The following UBR1 variants were observed in gnomAD, a reference collection of about 807,000 sequenced individuals.
UBR1 encodes the protein ubiquitin protein ligase E3 component n-recognin 1.
In UBR1, 102 loss-of-function variants were observed where a neutral mutation model predicts 242.1. That is an observed-to-expected ratio of 0.42 (90% confidence interval 0.36 to 0.50). The LOEUF (loss-of-function observed/expected upper bound fraction) is 0.50. Ranked by LOEUF, UBR1 falls within the 20% of genes least tolerant of loss-of-function variation. The pLI is 0.01. For missense variants in UBR1, 1,772 were observed against 2,101.8 expected, an observed-to-expected ratio of 0.84 and a Z score of 3.07; for synonymous variants, 675 against 684.8, an observed-to-expected ratio of 0.99 and a Z score of 0.22.
chr15:43,079,116 G>A (rs2033943277), intron 3 of UBR1, among the ~76,000 whole-genome samples: 1 of 152,112 alleles, frequency 6.6e-6, no homozygotes, highest in African/African-American at 2.4e-5. Context: ...GCATAAGAAA[G>A]CCACTATAAC....
Position 43,023,598 on chromosome 15 carries a change from C to CAAA in UBR1, c.2740-800_2740-798dup, listed in dbSNP as rs35071600. On this transcript the variant is annotated intron_variant, in intron 25 of 46. Coordinates refer to ENST00000290650, the MANE Select transcript of UBR1 (RefSeq NM_174916.3). ...CTGGGTGACAAGTGAAACTCCATCT[C>CAAA]AAAAAAAAAAAAAAAAAAAAAAAAA... Among the ~76,000 whole-genome samples the CAAA allele has an allele frequency of 4.5e-4, 18 of 39,984 alleles. 1 individual carries two copies. The highest frequency in any genetic ancestry group is 1.7e-3 in the African/African-American group (14 of 8,006). 26.2% of individuals were successfully genotyped at this position (39,984 alleles called of 152,430 possible). A position where few individuals can be genotyped will look rare whatever the true frequency, so the allele number is the denominator to read the frequency against.
In UBR1 at chr15:42,960,685, CAG is replaced by C; in HGVS notation, c.4715_4716del (p.Pro1572ArgfsTer17). The stretch of plus-strand genomic sequence containing the variant: ...TTTTGCTTCAAACAGTTTAGTAAGG[CAG>C]GATCTGCACACCACCTGTATGTGGA... ...RPLLQRWCAD[P>X]ALLNCLKQKN... On this transcript the variant is annotated frameshift_variant, in exon 43 of 47. Coordinates refer to ENST00000290650, the MANE Select transcript of UBR1 (RefSeq NM_174916.3). LOFTEE classifies it high-confidence loss of function. 6.2e-7 allele frequency: 1 copy of C among 1,613,974 alleles called. No homozygotes were observed. The highest frequency in any genetic ancestry group is 8.5e-7 in the Non-Finnish European group (1 of 1,179,904).
At chr15:42,956,423 G>C (rs968636435) in intron 44 of UBR1, among the ~76,000 whole-genome samples, 1 of 152,188 alleles carries the variant, frequency 6.6e-6, no homozygotes, top group African/African-American at 2.4e-5. Flanking sequence ...GGGTTCAAGT[G>C]ATTCTCACGC....
At position 42,965,464 on chromosome 15, in the gene UBR1, C is replaced by CTT. The variant is rs72143292; in HGVS notation, c.4591+687_4591+688dup. On this transcript the variant is annotated intron_variant, in intron 41 of 46. Coordinates refer to ENST00000290650, the MANE Select transcript of UBR1 (RefSeq NM_174916.3). ...TCATTCTTTAATGTAGTCATATGTA[C>CTT]TTTTTTTTTTTTTTTTTGAGACAGA... Among the ~76,000 whole-genome samples the CTT allele has an allele frequency of 1.8e-4, 24 of 136,218 alleles. 1 individual carries two copies. The highest frequency in any genetic ancestry group is 7.2e-4 in the South Asian group (3 of 4,190). 89.4% of individuals were successfully genotyped at this position (136,218 alleles called of 152,430 possible).
chr15:42,976,594 T>A (rs78534008), intron 39 of UBR1, 123 bp downstream of exon 39: 1 of 723,298 alleles, frequency 1.4e-6, no homozygotes, highest in Non-Finnish European at 2.2e-6. Context: ...AAACAGATAA[T>A]CATTCAACAA....
intron 22 of UBR1, 109 bp from the exon 23 acceptor site, chr15:43,026,772 T>G: frequency 1.1e-6 from 1 of 906,052 alleles, no homozygotes; most frequent in Non-Finnish European, 1.7e-6. Flanking sequence ...AGAAAAAAAT[T>G]ATGTCTCATT....
chr15:43,000,296 G>A (rs1400665260), intron 32 of UBR1, among the ~76,000 whole-genome samples: 2 of 152,182 alleles, frequency 1.3e-5, no homozygotes, highest in Non-Finnish European at 2.9e-5. Context: ...AGAGTTCTAA[G>A]AGACCTTTAA....
At chr15:43,072,024 G>A (rs2033829844) in intron 4 of UBR1, among the ~76,000 whole-genome samples, 1 of 152,110 alleles carries the variant, frequency 6.6e-6, no homozygotes, top group Non-Finnish European at 1.5e-5. Flanking sequence ...TAGGACTATA[G>A]GCATGTGCTA....
chr15:43,101,551 C>T (rs1426278129), intron 1 of UBR1, among the ~76,000 whole-genome samples: 1 of 152,162 alleles, frequency 6.6e-6, no homozygotes, highest in African/African-American at 2.4e-5. Context: ...CAACCAAGGC[C>T]AGGTGCGATG....
chr15:43,067,265 C>T (rs892310873), intron 6 of UBR1, among the ~76,000 whole-genome samples: 7 of 151,640 alleles, frequency 4.6e-5, no homozygotes, highest in African/African-American at 1.5e-4. Context: ...TAATAATTTG[C>T]GATCACATAA....
intron 12 of UBR1, 137 bp from the exon 13 acceptor site, chr15:43,048,628 A>G (rs1449172060): frequency 8.7e-6 from 6 of 690,988 alleles, no homozygotes; most frequent in Non-Finnish European, 1.5e-5. Context: ...CTCTGAGTAG[A>G]GCTAGAATTA....
intron 14 of UBR1, among the ~76,000 whole-genome samples, chr15:43,046,441 A>C (rs1221652444): frequency 6.6e-6 from 1 of 152,216 alleles, no homozygotes; most frequent in Non-Finnish European, 1.5e-5. Context: ...AATTGAATAA[A>C]AGAGTAGGAA....
chr15:43,070,744 CA>C, intron 5 of UBR1, 50 bp downstream of exon 5: 1 of 1,606,878 alleles, frequency 6.2e-7, no homozygotes, highest in Non-Finnish European at 8.5e-7. Context: ...ACACATTTTG[CA>C]ATACAAATAA....
chr15:43,068,137 TTTCC>T, intron 5 of UBR1, 101 bp from the exon 6 acceptor site: 1 of 753,252 alleles, frequency 1.3e-6, no homozygotes. Context: ...ATCTGTGTAG[TTTCC>T]AACCTGTGGG....
chr15:43,014,943 C>A (rs1237842815), intron 29 of UBR1, among the ~76,000 whole-genome samples: 1 of 150,292 alleles, frequency 6.7e-6, no homozygotes. Context: ...TCAGCCCCCG[C>A]CCGGCCAGCT....
chr15:43,027,187 T>C (rs1159502730), intron 22 of UBR1, among the ~76,000 whole-genome samples: 2 of 152,120 alleles, frequency 1.3e-5, no homozygotes, highest in African/African-American at 4.8e-5. Context: ...GCTTTTGGTT[T>C]CTATCCAATC....
Position 42,945,144 on chromosome 15 carries a change from G to T in UBR1, c.*185C>A. 15 of 721,396 alleles carry T rather than the reference G, an allele frequency of 2.1e-5. No homozygotes were observed. The highest frequency in any genetic ancestry group is 1.6e-4 in the Admixed American group (6 of 38,704). The allele number at this position is 721,396 out of a possible 1,614,324, so 44.7% of individuals were successfully genotyped here. A position where few individuals can be genotyped will look rare whatever the true frequency, so the allele number is the denominator to read the frequency against. On this transcript the variant is annotated 3_prime_UTR_variant, in exon 47 of 47. Coordinates refer to ENST00000290650, the MANE Select transcript of UBR1 (RefSeq NM_174916.3). ...AGATTGATCTATGTCCTTTTTTCCT[G>T]TGAAGCATATGTTTGCTAATTGAAA...
At chr15:42,961,955 G>T (rs1462743981) in intron 42 of UBR1, among the ~76,000 whole-genome samples, 2 of 146,398 alleles carry the variant, frequency 1.4e-5, no homozygotes, top group African/African-American at 5.1e-5. Flanking sequence ...TAGTAGAAAT[G>T]GGGTTTCACT....
intron 29 of UBR1, among the ~76,000 whole-genome samples, chr15:43,012,915 T>A (rs2032947491): frequency 6.6e-6 from 1 of 151,648 alleles, no homozygotes; most frequent in Non-Finnish European, 1.5e-5. Flanking sequence ...TCCACAAGAT[T>A]TTTTTTTTGA....
Sources: gnomAD v4.1 joint callset for allele counts (sites outside exome capture counted in the v4.1 genomes callset) on GRCh38, gnomAD v4.1.1 for gene constraint, MANE v1.5 for transcripts, NCBI Gene and HGNC (gene_info 2026-07-23, HGNC 2026-07-21) for gene names.